The following GLT1D1 variants were observed in gnomAD, a reference collection of about 807,000 sequenced individuals.
The protein encoded by GLT1D1 is glycosyltransferase 1 domain-containing protein 1.
Under a neutral mutation model 28.7 loss-of-function variants are expected in GLT1D1, and 21 were observed. The ratio of observed to expected loss-of-function variants is 0.73; its 90% CI spans 0.52 to 1.05. The LOEUF is 1.05. GLT1D1 is among the 50% of genes least tolerant of loss of function. The probability of loss-of-function intolerance (pLI) is 0.00; values close to 1 mark genes in which losing one functional copy is unlikely to be tolerated. For missense variants in GLT1D1, 343 were observed against 330.6 expected, an observed-to-expected ratio of 1.04 and a Z score of -0.29; for synonymous variants, 147 against 124.8, an observed-to-expected ratio of 1.18 and a Z score of -1.19.
intron 7 of GLT1D1, among the ~76,000 whole-genome samples, chr12:128,969,915 G>T (rs571565633): frequency 4.6e-5 from 7 of 152,184 alleles, no homozygotes; most frequent in African/African-American, 1.7e-4. Flanking sequence ...CTCCAGCTGG[G>T]GACTGTGATT....
At chr12:128,978,757 G>A (rs470614) in intron 7 of GLT1D1, among the ~76,000 whole-genome samples, 122,004 of 152,030 alleles carry the variant, frequency 0.8, 49,009 homozygotes, top group African/African-American at 0.85. Flanking sequence ...GCACCGTGAG[G>A]GCCGCTGTTT....
chr12:128,891,991 C>T (rs540310808), intron 3 of GLT1D1, among the ~76,000 whole-genome samples: 58 of 152,174 alleles, frequency 3.8e-4, no homozygotes, highest in African/African-American at 1.3e-3. Context: ...TACACTGGTT[C>T]GGTCTGGAAA....
intron 4 of GLT1D1, among the ~76,000 whole-genome samples, chr12:128,903,572 C>T (rs536428013): frequency 2.3e-4 from 35 of 151,732 alleles, no homozygotes; most frequent in African/African-American, 7.1e-4. Flanking sequence ...CTTTCTTCCC[C>T]GTGCTTCTCA....
intron 4 of GLT1D1, among the ~76,000 whole-genome samples, chr12:128,935,212 T>C (rs933664792): frequency 3.9e-5 from 6 of 152,208 alleles, no homozygotes; most frequent in Non-Finnish European, 8.8e-5. Flanking sequence ...ATCATCTCTC[T>C]GCTTTTTAAT....
intron 1 of GLT1D1, among the ~76,000 whole-genome samples, chr12:128,866,533 C>G (rs1348299761): frequency 6.6e-6 from 1 of 151,008 alleles, no homozygotes; most frequent in Non-Finnish European, 1.5e-5. Flanking sequence ...CCATTCTGCT[C>G]TCTACTTCTG....
intron 7 of GLT1D1, among the ~76,000 whole-genome samples, chr12:128,972,727 G>A (rs964636525): frequency 1.3e-5 from 2 of 152,128 alleles, no homozygotes; most frequent in African/African-American, 4.8e-5. Flanking sequence ...CTTCCTCAAG[G>A]CCCAGAACCT....
chr12:128,867,099 C>G (rs1419743112), intron 1 of GLT1D1, among the ~76,000 whole-genome samples: 3 of 151,704 alleles, frequency 2.0e-5, no homozygotes, highest in African/African-American at 7.3e-5. Context: ...TTTCCCTGCT[C>G]TAGAAAGTTG....
intron 4 of GLT1D1, among the ~76,000 whole-genome samples, chr12:128,909,577 G>C (rs757026630): frequency 5.9e-5 from 9 of 152,180 alleles, no homozygotes; most frequent in Admixed American, 1.3e-4. Context: ...GTCATCTGTA[G>C]AGCATAAAAT....
intron 4 of GLT1D1, among the ~76,000 whole-genome samples, chr12:128,933,114 C>A (rs1874107425): frequency 6.6e-6 from 1 of 151,858 alleles, no homozygotes; most frequent in African/African-American, 2.4e-5. Flanking sequence ...AGCAGGAAAC[C>A]ACTCCTCTCC....
chr12:128,893,233 A>G (rs1869263165), intron 3 of GLT1D1, among the ~76,000 whole-genome samples: 1 of 152,150 alleles, frequency 6.6e-6, no homozygotes, highest in African/African-American at 2.4e-5. Flanking sequence ...TGAAAGAGGG[A>G]GACTCTGTCT....
chr12:128,910,264 C>CTTTTT (rs11361008), intron 4 of GLT1D1, among the ~76,000 whole-genome samples: 6 of 114,268 alleles, frequency 5.3e-5, no homozygotes, highest in African/African-American at 1.6e-4. Context: ...AAGTTTAACT[C>CTTTTT]TTTTTTTTTT....
intron 1 of GLT1D1, among the ~76,000 whole-genome samples, chr12:128,855,173 T>C (rs2702208): frequency 0.23 from 32,073 of 140,688 alleles, 3,687 homozygotes; most frequent in Middle Eastern, 0.38. Context: ...CCAATTGATC[T>C]GGGATCACGC....
chr12:128,957,477 T>G, intron 6 of GLT1D1, 68 bp from the exon 11 acceptor site: 1 of 1,053,052 alleles, frequency 9.5e-7, no homozygotes, highest in Non-Finnish European at 1.5e-6. Context: ...TGCCCCGCCC[T>G]GACTCATCTT....
Position 128,879,426 on chromosome 12 carries a change from C to CT in GLT1D1, c.217+3367dup, listed in dbSNP as rs1229771170. Among the ~76,000 whole-genome samples, 86 of 100,714 alleles carry CT rather than the reference C, an allele frequency of 8.5e-4. 3 individuals carry two copies. The highest frequency in any genetic ancestry group is 3.5e-3 in the African/African-American group (83 of 23,656). 66.1% of individuals were successfully genotyped at this position (100,714 alleles called of 152,430 possible). On this transcript the variant is annotated intron_variant, in intron 2 of 7. Transcript: ENST00000281703. The stretch of plus-strand genomic sequence containing the variant: ...TCTTTCTTTCTTTCTTTCTTTCTTT[C>CT]TTTCTTTCTTTCTTTCTTTCTTTCT...
rs374597920 is a variant in GLT1D1, at chr12:128,956,171, A to AAAAAAAAAAAAAAAAAAAAG, written c.541-1373_541-1372insAAAAAAAAAAAAAAAAAAGA. On this transcript the variant is annotated intron_variant, in intron 6 of 7. Transcript: ENST00000281703. The stretch of plus-strand genomic sequence containing the variant: ...GAGACTCCATCTCAAAAAAAAAAAA[A>AAAAAAAAAAAAAAAAAAAAG]AGAGAAAGAGAGAAAGAAAGAAAGA... Among the ~76,000 whole-genome samples, 217 of 63,854 alleles carry AAAAAAAAAAAAAAAAAAAAG rather than the reference A, an allele frequency of 3.4e-3. 26 individuals are homozygous for AAAAAAAAAAAAAAAAAAAAG. Among genetic ancestry groups the AAAAAAAAAAAAAAAAAAAAG allele is most frequent in the South Asian group, 5.1e-3 (7 of 1,372 alleles). The allele number at this position is 63,854 out of a possible 152,430, so 41.9% of individuals were successfully genotyped here. A position where few individuals can be genotyped will look rare whatever the true frequency, so the allele number is the denominator to read the frequency against.
intron 7 of GLT1D1, among the ~76,000 whole-genome samples, chr12:128,968,680 G>A (rs1330887327): frequency 1.3e-5 from 2 of 151,994 alleles, no homozygotes; most frequent in African/African-American, 2.4e-5. Context: ...ATAATACTAG[G>A]ACAACAGATG....
At chr12:128,945,802 G>T (rs531897093) in intron 5 of GLT1D1, among the ~76,000 whole-genome samples, 1 of 152,176 alleles carries the variant, frequency 6.6e-6, no homozygotes, top group Non-Finnish European at 1.5e-5. Context: ...GGAGCAAAAC[G>T]GAGGCTTCCC....
chr12:128,975,042 C>A (rs959978100), intron 7 of GLT1D1, among the ~76,000 whole-genome samples: 2 of 152,176 alleles, frequency 1.3e-5, no homozygotes, highest in Non-Finnish European at 2.9e-5. Flanking sequence ...CCCCCCCGCA[C>A]CTGCACCTGC....
At chr12:128,931,191 C>T (rs1210412565) in intron 4 of GLT1D1, among the ~76,000 whole-genome samples, 1 of 151,992 alleles carries the variant, frequency 6.6e-6, no homozygotes, top group African/African-American at 2.4e-5. Context: ...TTAGTAGAGA[C>T]GGGCTTTCGC....
Sources: gnomAD v4.1 joint callset for allele counts (sites outside exome capture counted in the v4.1 genomes callset) on GRCh38, gnomAD v4.1.1 for gene constraint, MANE v1.5 for transcripts, NCBI Gene and HGNC (gene_info 2026-07-23, HGNC 2026-07-21) for gene names.